Variants in TSPAN5 observed in about 807,000 individuals in gnomAD.
TSPAN5 encodes the protein tetraspanin 5, also known as tetraspanin-5.
TSPAN5 carries 10 observed loss-of-function variants against 37.1 expected under a neutral mutation model. The observed-to-expected ratio is 0.27, with a 90% CI of 0.17 to 0.46. TSPAN5 has a LOEUF of 0.46. Among genes scored for constraint, TSPAN5 ranks in the 20% least tolerant of loss-of-function variants. The pLI is 1.00. For synonymous variants in TSPAN5, 110 were observed against 118.9 expected (o/e 0.93, Z 0.48); for missense variants, 195 against 326.6 (o/e 0.60, Z 3.11).
At chr4:98,613,688 C>T (rs750592429) in intron 1 of TSPAN5, among the ~76,000 whole-genome samples, 2 of 150,952 alleles carry the variant, frequency 1.3e-5, no homozygotes, top group Non-Finnish European at 2.9e-5. Context: ...TGCCATACAA[C>T]CAAGAAAAAA....
At chr4:98,475,818 T>A (rs1752681144) in intron 7 of TSPAN5, among the ~76,000 whole-genome samples, 1 of 151,844 alleles carries the variant, frequency 6.6e-6, no homozygotes, top group South Asian at 2.1e-4. Context: ...TGAAACCCCG[T>A]CTCTATTAAA....
chr4:98,554,273 T>A (rs1171973576), intron 1 of TSPAN5, among the ~76,000 whole-genome samples: 1 of 152,316 alleles, frequency 6.6e-6, no homozygotes, highest in African/African-American at 2.4e-5. Flanking sequence ...AGATATCTAG[T>A]TATGTAGCTG....
chr4:98,496,999 G>A (rs1358896390), intron 2 of TSPAN5, among the ~76,000 whole-genome samples: 1 of 152,100 alleles, frequency 6.6e-6, no homozygotes, highest in Non-Finnish European at 1.5e-5. Flanking sequence ...TGTCATGAGG[G>A]TGGGACCCCC....
chr4:98,550,647 T>G (rs1348736379), intron 1 of TSPAN5, among the ~76,000 whole-genome samples: 2 of 150,878 alleles, frequency 1.3e-5, no homozygotes, highest in African/African-American at 4.9e-5. Flanking sequence ...ATAAATGGGG[T>G]TGACTTTTTG....
chr4:98,480,614 C>T (rs1256207165), intron 4 of TSPAN5, among the ~76,000 whole-genome samples: 1 of 152,148 alleles, frequency 6.6e-6, no homozygotes, highest in Non-Finnish European at 1.5e-5. Context: ...AAAAGAAAAT[C>T]ACATGAAACT....
At chr4:98,626,318 T>A (rs1436778592) in intron 1 of TSPAN5, among the ~76,000 whole-genome samples, 1 of 152,138 alleles carries the variant, frequency 6.6e-6, no homozygotes, top group East Asian at 1.9e-4. Flanking sequence ...TATCATAACC[T>A]CCCATAATTG....
intron 1 of TSPAN5, among the ~76,000 whole-genome samples, chr4:98,623,635 A>G (rs1248128668): frequency 1.3e-5 from 2 of 152,250 alleles, no homozygotes; most frequent in Admixed American, 1.3e-4. Flanking sequence ...TCATGAGAAC[A>G]AAGGACTCTT....
intron 1 of TSPAN5, among the ~76,000 whole-genome samples, chr4:98,602,744 T>C (rs951636257): frequency 6.6e-6 from 1 of 152,204 alleles, no homozygotes; most frequent in Admixed American, 6.5e-5. Flanking sequence ...GCTGATTAAA[T>C]AGACATTTAT....
At chr4:98,543,944 G>A (rs552400195) in intron 1 of TSPAN5, among the ~76,000 whole-genome samples, 18 of 152,020 alleles carry the variant, frequency 1.2e-4, no homozygotes, top group Admixed American at 6.5e-4. Flanking sequence ...TTGGGAGGCC[G>A]AGGCAGGAGG....
At chr4:98,545,961 CCA>C (rs1162544116) in intron 1 of TSPAN5, among the ~76,000 whole-genome samples, 2 of 151,844 alleles carry the variant, frequency 1.3e-5, no homozygotes, top group African/African-American at 2.4e-5. Context: ...GTTAAATTTA[CCA>C]CAGACACATA....
intron 1 of TSPAN5, among the ~76,000 whole-genome samples, chr4:98,642,635 C>A (rs1277905311): frequency 6.6e-6 from 1 of 152,018 alleles, no homozygotes; most frequent in Non-Finnish European, 1.5e-5. Flanking sequence ...CAGTCCCACA[C>A]TACATAACGA....
At chr4:98,562,396 C>A (rs891164006) in intron 1 of TSPAN5, among the ~76,000 whole-genome samples, 3 of 152,126 alleles carry the variant, frequency 2.0e-5, no homozygotes, top group African/African-American at 7.2e-5. Flanking sequence ...GGTGCGGTGG[C>A]TCACACCTGT....
At chr4:98,580,953 C>T (rs973509835) in intron 1 of TSPAN5, among the ~76,000 whole-genome samples, 1 of 152,128 alleles carries the variant, frequency 6.6e-6, no homozygotes, top group African/African-American at 2.4e-5. Context: ...CTCCTCTCTA[C>T]TGCCTCTTCT....
intron 1 of TSPAN5, among the ~76,000 whole-genome samples, chr4:98,521,692 G>A (rs943795421): frequency 6.6e-6 from 1 of 152,244 alleles, no homozygotes; most frequent in African/African-American, 2.4e-5. Context: ...CCCCTGGCTT[G>A]CTTCAGCTTG....
chr4:98,508,048 T>C (rs1007795111), intron 1 of TSPAN5, among the ~76,000 whole-genome samples: 42 of 152,110 alleles, frequency 2.8e-4, no homozygotes, highest in Non-Finnish European at 1.0e-4. Context: ...GGAAACGGAT[T>C]CCCCATGGAT....
chr4:98,605,361 G>A (rs781730698), intron 1 of TSPAN5, among the ~76,000 whole-genome samples: 3 of 152,074 alleles, frequency 2.0e-5, no homozygotes, highest in Admixed American at 1.3e-4. Context: ...GCATAATATC[G>A]CATCACCCTT....
intron 1 of TSPAN5, among the ~76,000 whole-genome samples, chr4:98,599,637 G>A (rs1416301329): frequency 2.0e-5 from 3 of 152,142 alleles, no homozygotes; most frequent in East Asian, 1.9e-4. Context: ...TGTACCTACA[G>A]ACTAGTTTTG....
At chr4:98,510,815 C>T (rs951689647) in intron 1 of TSPAN5, among the ~76,000 whole-genome samples, 1 of 152,190 alleles carries the variant, frequency 6.6e-6, no homozygotes, top group Non-Finnish European at 1.5e-5. Flanking sequence ...AAGCCTGGGC[C>T]TCAACTTGAT....
intron 1 of TSPAN5, among the ~76,000 whole-genome samples, chr4:98,527,446 G>A (rs1213205174): frequency 2.6e-5 from 4 of 152,100 alleles, no homozygotes; most frequent in East Asian, 1.9e-4. Flanking sequence ...TGCTCTTAAC[G>A]ACCCTAAAAA....
Sources: allele counts gnomAD v4.1 joint callset (sites outside exome capture counted in the v4.1 genomes callset), GRCh38; gene constraint gnomAD v4.1.1; transcripts MANE v1.5; gene names NCBI Gene and HGNC (gene_info 2026-07-23, HGNC 2026-07-21).